Variants in ANKMY1 observed in about 807,000 individuals in gnomAD.
The protein encoded by ANKMY1 is ankyrin repeat and MYND domain containing 1, also known as ankyrin repeat and MYND domain-containing protein 1.
In ANKMY1, 98 loss-of-function variants were observed where a neutral mutation model predicts 102.0. The ratio of observed to expected loss-of-function variants is 0.96; its 90% CI spans 0.82 to 1.14. ANKMY1 has a LOEUF of 1.14. ANKMY1 is among the 50% of genes most tolerant of loss of function. ANKMY1 has a pLI of 0.00. For missense variants in ANKMY1, 1,330 were observed against 1,347.6 expected (o/e 0.99, Z 0.20); for synonymous variants, 582 against 559.9 (o/e 1.04, Z -0.56).
chr2:240,528,932 T>A, intron 5 of ANKMY1, 105 bp downstream of exon 5: 2 of 1,043,590 alleles, frequency 1.9e-6, no homozygotes, highest in Non-Finnish European at 2.9e-6. Context: ...TAGGTCACCC[T>A]GAGGGAGCAC....
chr2:240,529,531 C>A lies in ANKMY1; in HGVS notation c.481-22G>T. The A allele has an allele frequency of 1.3e-6, 2 of 1,583,976 alleles. No homozygotes were observed. The highest frequency in any genetic ancestry group is 1.1e-5 in the South Asian group (1 of 87,514). Reference sequence around the variant, plus strand: ...GCCCCTGCCAAGGAAGCGCAATAGACCGAGGAGAGATAACGCGACCCAGCT... The same window carrying A: ...GCCCCTGCCAAGGAAGCGCAATAGAACGAGGAGAGATAACGCGACCCAGCT... On this transcript the variant is annotated intron_variant, in intron 4 of 17. Transcript: ENST00000401804. This position sits in a 1 kb window ranked among gnomAD's most constrained non-coding sequence, Gnocchi z 4.2.
the ANKMY1 span, among the ~76,000 whole-genome samples, chr2:240,471,475 A>G: frequency 6.6e-6 from 1 of 152,210 alleles, no homozygotes; most frequent in Non-Finnish European, 1.5e-5. Context: ...TGAGAACTTT[A>G]GATGACAGAG....
At chr2:240,533,052 A>G (rs991669790) in intron 4 of ANKMY1, among the ~76,000 whole-genome samples, 3 of 152,212 alleles carry the variant, frequency 2.0e-5, no homozygotes, top group Non-Finnish European at 4.4e-5. Context: ...ATAGAATTCA[A>G]AAAGGGATAA....
chr2:240,520,550 G>C lies in ANKMY1; in HGVS notation c.1833-17C>G. Reference sequence around the variant, plus strand: ...TTCCTCCGCCTGAAAAAGACGGTGCGCCCGTGGGCCCCTGGAGGGCAGGCA... The same window carrying C: ...TTCCTCCGCCTGAAAAAGACGGTGCCCCCGTGGGCCCCTGGAGGGCAGGCA... On this transcript the variant is annotated splice_polypyrimidine_tract_variant and intron_variant, in intron 8 of 17. Transcript: ENST00000401804. This position sits in a 1 kb window ranked among gnomAD's most constrained non-coding sequence, Gnocchi z 4.8. 2 of 1,603,136 alleles carry C rather than the reference G, an allele frequency of 1.2e-6. No homozygotes were observed. Among genetic ancestry groups the C allele is most frequent in the Non-Finnish European group, 1.7e-6 (2 of 1,174,368 alleles).
intron 5 of ANKMY1, chr2:240,526,718 C>T (rs2083510911): frequency 7.3e-7 from 1 of 1,369,648 alleles, no homozygotes; most frequent in South Asian, 1.5e-5. Flanking sequence ...CGAGTACATC[C>T]ATGCATCTCT....
intron 4 of ANKMY1, among the ~76,000 whole-genome samples, chr2:240,545,067 C>A (rs1276176107): frequency 3.3e-5 from 5 of 152,086 alleles, no homozygotes; most frequent in East Asian, 2.0e-4. Context: ...GGCACAGACA[C>A]ACAAAAAGAC....
chr2:240,480,551 G>A (rs112339717), intron 17 of ANKMY1, among the ~76,000 whole-genome samples: 128 of 152,326 alleles, frequency 8.4e-4, no homozygotes, highest in Non-Finnish European at 1.5e-3. Context: ...CAACTGCCCT[G>A]TGGTCCAGAG....
chr2:240,536,603 C>T (rs891176180), intron 4 of ANKMY1, among the ~76,000 whole-genome samples: 11 of 152,188 alleles, frequency 7.2e-5, no homozygotes. Context: ...CAGAGCAAGA[C>T]CCTGTCTCTA....
At position 240,542,503 on chromosome 2, in the gene ANKMY1, C is replaced by CA. The variant is rs762420491; in HGVS notation, c.480+10410dup. Among the ~76,000 whole-genome samples, 365 of 117,060 alleles carry CA rather than the reference C, an allele frequency of 3.1e-3. 1 individual carries two copies. Among genetic ancestry groups the CA allele is most frequent in the Admixed American group, 7.3e-3 (81 of 11,170 alleles). The allele number at this position is 117,060 out of a possible 152,430, so 76.8% of individuals were successfully genotyped here. On this transcript the variant is annotated intron_variant, in intron 4 of 17. Transcript: ENST00000401804. ...TGGGCAACAGACCGAGACTCCGTCTCAAAAAAAAAAAAAAATCAAACTGCC... is the reference window on the plus strand; with the variant it reads ...TGGGCAACAGACCGAGACTCCGTCTCAAAAAAAAAAAAAAAATCAAACTGCC...
chr2:240,551,152 G>GT (rs55960881), intron 4 of ANKMY1, among the ~76,000 whole-genome samples: 25,159 of 143,176 alleles, frequency 0.18, 2,265 homozygotes, highest in Middle Eastern at 0.3. Context: ...TGCTTTTTAT[G>GT]TTTTTTTTTT....
Position 240,506,428 on chromosome 2 carries a change from T to C in ANKMY1, c.2526+1132A>G, listed in dbSNP as rs1199151310. On this transcript the variant is annotated intron_variant, in intron 13 of 17. Coordinates refer to ENST00000401804, the MANE Select transcript of ANKMY1 (RefSeq NM_001282771.3). The surrounding 1 kb of genome is among the most constrained non-coding windows in gnomAD (Gnocchi z 4.9). ...CCATCCTCTGCCGCCTATGGAAAAC[T>C]GACTTCTGCGTCCTCACTTAGTCTA... Among the ~76,000 whole-genome samples the C allele has an allele frequency of 6.6e-6, 1 of 152,196 alleles. No individual in the cohort carries two copies. The highest frequency in any genetic ancestry group is 1.5e-5 in the Non-Finnish European group (1 of 68,042).
In ANKMY1 at chr2:240,512,073, G is replaced by A. The variant is rs186705049; in HGVS notation, c.2146-72C>T. 8.5e-4 allele frequency: 1,234 copies of A among 1,457,400 alleles called. 2 individuals are homozygous for A. The highest frequency in any genetic ancestry group is 1.1e-3 in the Non-Finnish European group (1,188 of 1,112,198). The allele number at this position is 1,457,400 out of a possible 1,614,324, so 90.3% of individuals were successfully genotyped here. ...GCCCACGGGAAGGCAAACGGAGCAAGGGAGCTTCCTCCCCAGCCTGCGGGT... is the reference window on the plus strand; with the variant it reads ...GCCCACGGGAAGGCAAACGGAGCAAAGGAGCTTCCTCCCCAGCCTGCGGGT... On this transcript the variant is annotated intron_variant, in intron 10 of 17. Coordinates refer to ENST00000401804, the MANE Select transcript of ANKMY1 (RefSeq NM_001282771.3).
intron 13 of ANKMY1, among the ~76,000 whole-genome samples, chr2:240,503,142 G>A (rs1437552389): frequency 6.6e-6 from 1 of 152,220 alleles, no homozygotes; most frequent in Non-Finnish European, 1.5e-5. Flanking sequence ...TCCGGTAAGA[G>A]GAAGGGGCGG....
At chr2:240,558,395 T>A (rs577950240), upstream of ANKMY1, 1 of 152,312 alleles carries the variant, frequency 6.6e-6, no homozygotes, top group Non-Finnish European at 1.5e-5. Context: ...CAAGGGTAAC[T>A]CGAGGCCTGC....
At chr2:240,485,834 T>A (rs925514557) in intron 15 of ANKMY1, among the ~76,000 whole-genome samples, 1 of 152,110 alleles carries the variant, frequency 6.6e-6, no homozygotes, top group Non-Finnish European at 1.5e-5. Flanking sequence ...CTCAAATAAT[T>A]CTTCTGCCTT....
chr2:240,524,086 T>C lies in ANKMY1; in HGVS notation c.1631A>G (p.Asn544Ser), dbSNP rs2082866283. Residue 544 changes from asparagine (N) to serine (S), a missense_variant, in exon 8 of 18, where the codon AAC becomes AGC. Coordinates refer to ENST00000401804, the MANE Select transcript of ANKMY1 (RefSeq NM_001282771.3). ...VESGLEDVLGNTDRGSLCSAE... is the reference protein window; with the variant it reads ...VESGLEDVLGSTDRGSLCSAE... The stretch of plus-strand genomic sequence containing the variant: ...ACTGCACAGACTGCCCCGGTCTGTG[T>C]TTCCCAACACGTCCTCAAGCCCGCT... 6.2e-7 allele frequency: 1 copy of C among 1,613,912 alleles called. No individual in the cohort carries two copies. Among genetic ancestry groups the C allele is most frequent in the African/African-American group, 1.3e-5 (1 of 74,922 alleles).
intron 4 of ANKMY1, 48 bp downstream of exon 4, chr2:240,552,866 C>G: frequency 1.9e-6 from 3 of 1,612,226 alleles, no homozygotes; most frequent in Non-Finnish European, 2.5e-6. Context: ...GTGGCTTAGA[C>G]ACACACAGCC....
At chr2:240,556,619 T>C (rs564007188) in intron 2 of ANKMY1, among the ~76,000 whole-genome samples, 103 of 152,310 alleles carry the variant, frequency 6.8e-4, no homozygotes, top group Middle Eastern at 3.4e-3. Context: ...TCTGAGCCCT[T>C]TGCAGCCTCC....
rs567259645 is a variant in ANKMY1 at position 240,511,640 on chromosome 2, C to T, written c.2286+221G>A. Among the ~76,000 whole-genome samples the T allele has an allele frequency of 1.8e-4, 27 of 152,380 alleles. No homozygotes were observed. In the East Asian group the frequency reaches 5.2e-3, roughly 29 times the overall value. On this transcript the variant is annotated intron_variant, in intron 11 of 17. Coordinates refer to ENST00000401804, the MANE Select transcript of ANKMY1 (RefSeq NM_001282771.3). ...AGGCCCTGTGGTAAGAAGTAGACTT[C>T]ATGCCGCCACCCAGGCCCCGTGCGC...
Sources: allele counts gnomAD v4.1 joint callset (sites outside exome capture counted in the v4.1 genomes callset), GRCh38; gene constraint gnomAD v4.1.1; non-coding constraint Gnocchi (gnomAD v3.1); transcripts MANE v1.5; gene names NCBI Gene and HGNC (gene_info 2026-07-23, HGNC 2026-07-21).